Variants in SPG7 observed in about 807,000 individuals in gnomAD.
SPG7 encodes SPG7 matrix AAA peptidase subunit, paraplegin.
In SPG7, 103 loss-of-function variants were observed where a neutral mutation model predicts 81.9. The ratio of observed to expected loss-of-function variants is 1.26; its 90% confidence interval spans 1.07 to 1.48. SPG7 has a LOEUF of 1.48. Ranked by LOEUF, SPG7 falls within the 40% of genes most tolerant of loss-of-function variation. SPG7 has a pLI of 0.00. For missense variants in SPG7, 1,241 were observed against 1,087.3 expected (o/e 1.14, Z -1.99); for synonymous variants, 534 against 444.2 (o/e 1.20, Z -2.54).
intron 3 of SPG7, chr16:89,523,583 A>G: frequency 2.5e-6 from 1 of 406,222 alleles, no homozygotes; most frequent in Non-Finnish European, 5.0e-6. Flanking sequence ...ACGGCCTGGG[A>G]CGGTCGTTTC....
intron 4 of SPG7, 108 bp from the exon 5 acceptor site, chr16:89,526,221 A>G: frequency 7.0e-6 from 9 of 1,293,316 alleles, no homozygotes; most frequent in Non-Finnish European, 1.0e-5. Flanking sequence ...CCTCTTCACA[A>G]TGCTGAGGTT....
rs201878285 is a variant in SPG7, at chr16:89,554,524, C to G, written c.2142C>G (p.Thr714=). ...RLLVAKAYRH[T]EKVLQDNLDK... is the part of the protein sequence containing the mutation. Reference sequence around the variant, plus strand: ...TGGTGGCCAAGGCCTACAGACACACCGAGAAGGTGCTGCAGGACAACCTGG... The same window carrying G: ...TGGTGGCCAAGGCCTACAGACACACGGAGAAGGTGCTGCAGGACAACCTGG... Residue 714 remains threonine, a synonymous_variant, in exon 16 of 17, where the codon ACC becomes ACG. Transcript: ENST00000645818. 4.3e-6 allele frequency: 7 copies of G among 1,609,510 alleles called. No individual in the cohort carries two copies. Among genetic ancestry groups the G allele is most frequent in the African/African-American group, 2.7e-5 (2 of 74,896 alleles).
chr16:89,516,174 G>T (rs2058093922), intron 3 of SPG7, among the ~76,000 whole-genome samples: 1 of 151,966 alleles, frequency 6.6e-6, no homozygotes. Context: ...TTTTGGTAGA[G>T]ACCTGGTTTG....
At chr16:89,541,410 T>G in intron 9 of SPG7, 1 of 846,470 alleles carries the variant, frequency 1.2e-6, no homozygotes, top group Non-Finnish European at 1.4e-6. Flanking sequence ...AATAACAAAA[T>G]TCTGGGGATG....
intron 3 of SPG7, chr16:89,514,411 C>G (rs1009005166): frequency 6.7e-6 from 1 of 148,334 alleles, no homozygotes; most frequent in African/African-American, 2.5e-5. Flanking sequence ...ACCTCCCCCT[C>G]CCGGGTTCAA....
At chr16:89,524,865 G>A (rs142660350) in intron 4 of SPG7, among the ~76,000 whole-genome samples, 86 of 152,264 alleles carry the variant, frequency 5.6e-4, no homozygotes, top group African/African-American at 1.6e-3. Flanking sequence ...GCCCACCCCC[G>A]GGTCTGGAAA....
At chr16:89,524,891 C>T (rs1420908743) in intron 4 of SPG7, among the ~76,000 whole-genome samples, 1 of 151,994 alleles carries the variant, frequency 6.6e-6, no homozygotes, top group Non-Finnish European at 1.5e-5. Flanking sequence ...GTGGCCTCCA[C>T]CAGAGCTTCT....
intron 2 of SPG7, among the ~76,000 whole-genome samples, chr16:89,511,880 A>G (rs2058027589): frequency 6.6e-6 from 1 of 151,466 alleles, no homozygotes; most frequent in Non-Finnish European, 1.5e-5. Flanking sequence ...CACCACGTAC[A>G]GCTACATTTT....
intron 9 of SPG7, chr16:89,539,079 G>A (rs1298819014): frequency 6.6e-6 from 1 of 152,264 alleles, no homozygotes; most frequent in Non-Finnish European, 1.5e-5. Flanking sequence ...TGAGTTCTGA[G>A]TGTTTTCCAG....
At chr16:89,537,273 G>T in intron 9 of SPG7, 1 of 1,335,640 alleles carries the variant, frequency 7.5e-7, no homozygotes. Context: ...GCGGTGTCCT[G>T]CGGACCCCAG....
At position 89,512,968 on chromosome 16, in the gene SPG7, A is replaced by T; in HGVS notation, c.307A>T (p.Thr103Ser). The change falls in exon 3 of 17, where the codon ACC (threonine) becomes TCC (serine). Residue 103 changes from threonine to serine, a missense_variant. Coordinates refer to ENST00000645818, the MANE Select transcript of SPG7 (RefSeq NM_003119.4). ...CATAGGTGGTACTTTCTATTTTAAC[A>T]CCTCAAGGTTGAAGCAGAAGAATAA... ...QLLGGTFYFN[T>S]SRLKQKNKEK... The T allele has an allele frequency of 6.2e-7, 1 of 1,613,518 alleles. No homozygotes were observed. The highest frequency in any genetic ancestry group is 1.1e-5 in the South Asian group (1 of 91,072).
chr16:89,529,211 C>T (rs879024783), intron 5 of SPG7: 6 of 529,938 alleles, frequency 1.1e-5, no homozygotes, highest in African/African-American at 7.6e-5. Flanking sequence ...AAAACCTGAA[C>T]GTTGTTATTG....
At chr16:89,554,340 G>A (rs2058666423) in intron 15 of SPG7, 146 bp from the exon 16 acceptor site, 9 of 704,028 alleles carry the variant, frequency 1.3e-5, no homozygotes, top group Non-Finnish European at 2.3e-5. Context: ...CTGGTCACAG[G>A]GGCAGGAGAC....
chr16:89,536,330 G>GT (rs1383531350), intron 9 of SPG7, among the ~76,000 whole-genome samples: 2 of 151,912 alleles, frequency 1.3e-5, no homozygotes, highest in African/African-American at 4.8e-5. Flanking sequence ...CTGGTGCTGT[G>GT]TGGCCTTCAG....
chr16:89,528,120 G>A (rs559914783), intron 5 of SPG7, among the ~76,000 whole-genome samples: 58 of 151,424 alleles, frequency 3.8e-4, no homozygotes, highest in African/African-American at 1.3e-3. Context: ...GCCGGGCGCG[G>A]TGGCTCACGC....
intron 9 of SPG7, chr16:89,536,778 C>T: frequency 6.2e-7 from 1 of 1,614,052 alleles, no homozygotes; most frequent in Non-Finnish European, 8.5e-7. Context: ...CCTCTCTTGA[C>T]CAGCTACCCT....
chr16:89,513,102 T>C, intron 3 of SPG7, 65 bp downstream of exon 3: 1 of 1,544,534 alleles, frequency 6.5e-7, no homozygotes, highest in South Asian at 1.2e-5. Flanking sequence ...TCTGTTTTCC[T>C]TTTAGCAAGG....
At chr16:89,555,026 C>A (rs2058672748) in intron 16 of SPG7, 1 of 184,520 alleles carries the variant, frequency 5.4e-6, no homozygotes, top group Non-Finnish European at 1.1e-5. Flanking sequence ...AGTGATTCTC[C>A]TGCCTCAGCC....
chr16:89,526,755 TAGATGCCGAAGTCTCAGCCCCCGACGTA>T (rs1426015217), intron 5 of SPG7: 15 of 395,202 alleles, frequency 3.8e-5, no homozygotes, highest in East Asian at 3.0e-4. Flanking sequence ...GCCCCTGATG[TAGATGCCGAAGTCTCAGCCCCCGACGTA>T]AGATGCCGAA....
Sources: allele counts gnomAD v4.1 joint callset (sites outside exome capture counted in the v4.1 genomes callset), GRCh38; gene constraint gnomAD v4.1.1; transcripts MANE v1.5; gene names NCBI Gene and HGNC (gene_info 2026-07-23, HGNC 2026-07-21).